Variants in MAP3K13 observed in about 807,000 individuals in gnomAD.
MAP3K13 encodes the protein mitogen-activated protein kinase kinase kinase 13, also known as leucine zipper-bearing kinase.
In MAP3K13, 52 loss-of-function variants were observed where a neutral mutation model predicts 104.0. The ratio of observed to expected loss-of-function variants is 0.50; its 90% CI spans 0.40 to 0.63. The LOEUF (loss-of-function observed/expected upper bound fraction) is 0.63. Among genes scored for constraint, MAP3K13 ranks in the 20% least tolerant of loss-of-function variants. MAP3K13 has a pLI of 0.00. For missense variants in MAP3K13, 914 were observed against 1,218.5 expected, an observed-to-expected ratio of 0.75 and a Z score of 3.72; for synonymous variants, 394 against 442.2, an observed-to-expected ratio of 0.89 and a Z score of 1.37.
chr3:185,462,602 G>A (rs1259988502), intron 7 of MAP3K13, among the ~76,000 whole-genome samples: 4 of 151,958 alleles, frequency 2.6e-5, no homozygotes, highest in African/African-American at 4.8e-5. Flanking sequence ...GTGAAATCCC[G>A]CCTCTACTAA....
Position 185,473,717 on chromosome 3 carries a change from G to C in MAP3K13, c.2386G>C (p.Gly796Arg). 5 of 1,613,956 alleles carry C rather than the reference G, an allele frequency of 3.1e-6. No homozygotes were observed. Among genetic ancestry groups the C allele is most frequent in the East Asian group, 2.2e-5 (1 of 44,872 alleles). ...GTCATCCCTCGGCACCTCTCATCTC[G>C]GCACCCCTCCAGCGCTACCTCGAAA... ...SESSLGTSHLGTPPALPRKTR... is the reference protein window; with the variant it reads ...SESSLGTSHLRTPPALPRKTR... Residue 796 changes from glycine (G) to arginine (R), a missense_variant, in exon 11 of 14, where the codon GGC becomes CGC. Physicochemically the swap from Gly to Arg is moderately radical, Grantham distance 125. Around this residue, in one of 3 missense-constraint regions of MAP3K13, gnomAD observed 583 missense variants for 737.4 expected, o/e 0.79. Transcript: ENST00000265026. The surrounding 1 kb of genome is among the most constrained non-coding windows in gnomAD (Gnocchi z 4.9).
rs949389744 is a variant in MAP3K13 at position 185,423,916 on chromosome 3, C to T, written c.-85-4581C>T. On this transcript the variant is annotated intron_variant, in intron 1 of 13. Transcript: ENST00000265026. This position sits in a 1 kb window ranked among gnomAD's most constrained non-coding sequence, Gnocchi z 4.1. ...CTCTTGTTCGCCCCTGATTTCCTTC[C>T]GTCTGTCACACGCCTTACCTTTAAA... Among the ~76,000 whole-genome samples, 7 of 152,158 alleles carry T rather than the reference C, an allele frequency of 4.6e-5. No individual in the cohort carries two copies. Among genetic ancestry groups the T allele is most frequent in the African/African-American group, 1.2e-4 (5 of 41,430 alleles).
At chr3:185,372,326 T>G (rs1560070422) in intron 1 of MAP3K13, among the ~76,000 whole-genome samples, 1 of 152,218 alleles carries the variant, frequency 6.6e-6, no homozygotes, top group Non-Finnish European at 1.5e-5. Context: ...CTCCTCCTTT[T>G]TCTGGCCATT....
intron 2 of MAP3K13, among the ~76,000 whole-genome samples, chr3:185,314,454 A>C (rs1208808075): frequency 2.0e-5 from 3 of 151,942 alleles, no homozygotes; most frequent in Non-Finnish European, 4.4e-5. Context: ...CATCTCTACT[A>C]AAAATACAAA....
intron 1 of MAP3K13, among the ~76,000 whole-genome samples, chr3:185,379,956 C>T (rs934195840): frequency 6.6e-5 from 10 of 151,962 alleles, no homozygotes; most frequent in Middle Eastern, 6.4e-3. Context: ...GGGGCCGAGG[C>T]GGGTGGATCA....
At chr3:185,366,369 G>A (rs1306914100) in intron 1 of MAP3K13, among the ~76,000 whole-genome samples, 1 of 152,064 alleles carries the variant, frequency 6.6e-6, no homozygotes, top group African/African-American at 2.4e-5. Context: ...TCCGCTTTTT[G>A]ACTATTAGGA....
intron 2 of MAP3K13, 141 bp downstream of exon 2, chr3:185,429,197 C>T: frequency 1.3e-6 from 1 of 770,946 alleles, no homozygotes; most frequent in Non-Finnish European, 2.0e-6. Context: ...TTTCAGTTTC[C>T]AGTAGACCAG....
intron 2 of MAP3K13, among the ~76,000 whole-genome samples, chr3:185,337,768 C>T (rs952992769): frequency 6.6e-6 from 1 of 151,308 alleles, no homozygotes; most frequent in South Asian, 2.1e-4. Context: ...TGGGCCTCAC[C>T]TCTAGGCTGT....
intron 1 of MAP3K13, among the ~76,000 whole-genome samples, chr3:185,379,442 A>G (rs1372290741): frequency 1.3e-5 from 2 of 152,214 alleles, no homozygotes; most frequent in Non-Finnish European, 2.9e-5. Flanking sequence ...AGAAGAGAGT[A>G]AAAAGAGGCC....
At chr3:185,458,665 T>C (rs1018595440) in intron 7 of MAP3K13, among the ~76,000 whole-genome samples, 1 of 152,188 alleles carries the variant, frequency 6.6e-6, no homozygotes, top group Non-Finnish European at 1.5e-5. Context: ...ACCTGAGGCC[T>C]TGCCTCCTCC....
At chr3:185,348,479 C>T (rs1352081426) in intron 2 of MAP3K13, among the ~76,000 whole-genome samples, 1 of 152,138 alleles carries the variant, frequency 6.6e-6, no homozygotes, top group Non-Finnish European at 1.5e-5. Flanking sequence ...ATAACATTCC[C>T]CCTAAAGTTA....
At chr3:185,377,075 G>A (rs1286216335) in intron 1 of MAP3K13, among the ~76,000 whole-genome samples, 1 of 152,080 alleles carries the variant, frequency 6.6e-6, no homozygotes, top group Non-Finnish European at 1.5e-5. Flanking sequence ...ATTGAGGATA[G>A]GAGAGTATAT....
chr3:185,469,725 T>A (rs1175070319), intron 10 of MAP3K13, among the ~76,000 whole-genome samples: 1 of 152,234 alleles, frequency 6.6e-6, no homozygotes, highest in Non-Finnish European at 1.5e-5. Context: ...ATCTGAGAGC[T>A]TGTTATACTT....
intron 5 of MAP3K13, among the ~76,000 whole-genome samples, chr3:185,448,637 C>T (rs866353097): frequency 2.6e-5 from 4 of 152,106 alleles, no homozygotes; most frequent in Non-Finnish European, 5.9e-5. Flanking sequence ...TGGGGTCATT[C>T]GTAATTTAGA....
At chr3:185,449,807 A>G (rs1715787205) in intron 5 of MAP3K13, 93 bp from the exon 6 acceptor site, 45 of 1,078,300 alleles carry the variant, frequency 4.2e-5, no homozygotes, top group Non-Finnish European at 5.4e-5. Flanking sequence ...AAAACTGGGT[A>G]TATGTACTAA....
At chr3:185,426,474 T>G (rs115739831) in intron 1 of MAP3K13, among the ~76,000 whole-genome samples, 40 of 152,316 alleles carry the variant, frequency 2.6e-4, no homozygotes, top group African/African-American at 8.9e-4. Flanking sequence ...GTTATGAAGA[T>G]AAGAAAATAA....
At chr3:185,481,489 GA>G (rs11449637) in intron 13 of MAP3K13, among the ~76,000 whole-genome samples, 5 of 149,024 alleles carry the variant, frequency 3.4e-5, no homozygotes, top group East Asian at 2.0e-4. Context: ...CCCTGTCTCT[GA>G]AAAAAAAAAA....
chr3:185,317,586 A>C (rs1052509968), intron 2 of MAP3K13, among the ~76,000 whole-genome samples: 63 of 152,222 alleles, frequency 4.1e-4, no homozygotes, highest in Non-Finnish European at 2.1e-4. Flanking sequence ...CTTTAGCATG[A>C]TATATTAAAT....
At chr3:185,359,256 C>A (rs1490260286), upstream of MAP3K13, among the ~76,000 whole-genome samples, 2 of 152,200 alleles carry the variant, frequency 1.3e-5, no homozygotes, top group East Asian at 3.9e-4. Context: ...ACCATCAGAT[C>A]TTGTGAGACC....
Sources: allele counts gnomAD v4.1 joint callset (sites outside exome capture counted in the v4.1 genomes callset), GRCh38; gene constraint gnomAD v4.1.1; regional missense constraint gnomAD v4.1.1; non-coding constraint Gnocchi (gnomAD v3.1); transcripts MANE v1.5; gene names NCBI Gene and HGNC (gene_info 2026-07-23, HGNC 2026-07-21).